The following ANTXR2 variants were observed in gnomAD, a reference collection of about 807,000 sequenced individuals.
ANTXR2 encodes anthrax toxin receptor 2.
A neutral mutation model predicts 73.7 loss-of-function variants in ANTXR2; 44 were observed. That is an observed-to-expected ratio of 0.60 (90% confidence interval 0.47 to 0.77). ANTXR2 has a LOEUF of 0.77. ANTXR2 is among the 30% of genes least tolerant of loss of function. The pLI is 0.00. For synonymous variants in ANTXR2, 217 were observed against 205.9 expected, an observed-to-expected ratio of 1.05 and a Z score of -0.46; for missense variants, 604 against 592.5, an observed-to-expected ratio of 1.02 and a Z score of -0.20.
chr4:79,919,606 C>G (rs1230393733), intron 16 of ANTXR2, among the ~76,000 whole-genome samples: 1 of 151,884 alleles, frequency 6.6e-6, no homozygotes. Context: ...CTGGATACTT[C>G]CTGCCCTCGA....
intron 16 of ANTXR2, among the ~76,000 whole-genome samples, chr4:79,913,806 T>C (rs555781464): frequency 6.6e-6 from 1 of 152,252 alleles, no homozygotes; most frequent in Admixed American, 6.6e-5. Flanking sequence ...GCTGGGGTAG[T>C]GCATGAGAAG....
intron 8 of ANTXR2, among the ~76,000 whole-genome samples, chr4:80,035,682 A>G (rs1054819074): frequency 1.8e-4 from 27 of 152,282 alleles, no homozygotes; most frequent in African/African-American, 6.5e-4. Context: ...AAACAATTTC[A>G]TATTTTATTT....
At chr4:79,946,071 T>C (rs905237369) in intron 16 of ANTXR2, among the ~76,000 whole-genome samples, 1 of 152,198 alleles carries the variant, frequency 6.6e-6, no homozygotes, top group African/African-American at 2.4e-5. Flanking sequence ...CTGAACTTTA[T>C]GCTTTATTAT....
At chr4:79,994,035 TCAGA>T (rs1730610222) in intron 12 of ANTXR2, among the ~76,000 whole-genome samples, 1 of 151,962 alleles carries the variant, frequency 6.6e-6, no homozygotes, top group Non-Finnish European at 1.5e-5. Context: ...TGAATGGTGC[TCAGA>T]CAAAGGAGAT....
chr4:80,025,916 C>T (rs573593484), intron 10 of ANTXR2, among the ~76,000 whole-genome samples: 1 of 152,262 alleles, frequency 6.6e-6, no homozygotes, highest in East Asian at 1.9e-4. Flanking sequence ...TACTGGACAT[C>T]ACAGGAAAGC....
intron 12 of ANTXR2, among the ~76,000 whole-genome samples, chr4:80,006,012 T>C (rs926941523): frequency 6.6e-6 from 1 of 152,126 alleles, no homozygotes; most frequent in Non-Finnish European, 1.5e-5. Flanking sequence ...GAATAACTCA[T>C]GATTCCACAT....
intron 12 of ANTXR2, among the ~76,000 whole-genome samples, chr4:80,004,874 C>T (rs528695859): frequency 6.6e-6 from 1 of 151,964 alleles, no homozygotes; most frequent in East Asian, 1.9e-4. Context: ...ACTTCCTCTC[C>T]AGGAGAATTA....
intron 16 of ANTXR2, among the ~76,000 whole-genome samples, chr4:79,958,237 T>C (rs1202526465): frequency 6.6e-6 from 1 of 152,090 alleles, no homozygotes; most frequent in Non-Finnish European, 1.5e-5. Flanking sequence ...TTGAATTTAT[T>C]GGTACTTGTC....
chr4:79,991,400 A>G (rs1730463170), intron 12 of ANTXR2, among the ~76,000 whole-genome samples: 1 of 152,168 alleles, frequency 6.6e-6, no homozygotes, highest in Admixed American at 6.6e-5. Flanking sequence ...CCACAACAAG[A>G]TACCATCTCA....
intron 6 of ANTXR2, 46 bp downstream of exon 6, chr4:80,055,104 C>T: frequency 2.7e-6 from 4 of 1,486,070 alleles, no homozygotes; most frequent in Non-Finnish European, 3.7e-6. Context: ...ATCCTTAAGA[C>T]AATTATGTGG....
At chr4:79,994,050 G>A (rs1173172347) in intron 12 of ANTXR2, among the ~76,000 whole-genome samples, 2 of 151,908 alleles carry the variant, frequency 1.3e-5, no homozygotes, top group African/African-American at 4.8e-5. Flanking sequence ...CAAAGGAGAT[G>A]CATCTCCATC....
Position 79,905,795 on chromosome 4 carries a change from G to C in ANTXR2, c.*1634C>G, listed in dbSNP as rs1164278829. The stretch of plus-strand genomic sequence containing the variant: ...TGAAATTTCCATTAAGAGCACAATG[G>C]GGGTAATTATACCAGGATGCTCCAA... On this transcript the variant is annotated 3_prime_UTR_variant, in exon 17 of 17. Transcript: ENST00000403729. 6.6e-6 allele frequency: 1 copy of C among 152,510 alleles called. No individual in the cohort carries two copies. Among genetic ancestry groups the C allele is most frequent in the Non-Finnish European group, 1.5e-5 (1 of 68,020 alleles). The allele number at this position is 152,510 out of a possible 1,614,324, so 9.4% of individuals were successfully genotyped here. A position where few individuals can be genotyped will look rare whatever the true frequency, so the allele number is the denominator to read the frequency against.
At chr4:80,043,305 T>C (rs1299344077) in intron 7 of ANTXR2, among the ~76,000 whole-genome samples, 1 of 152,022 alleles carries the variant, frequency 6.6e-6, no homozygotes, top group African/African-American at 2.4e-5. Flanking sequence ...TAGTTTTAAA[T>C]ATTTGATCTC....
At chr4:79,935,694 G>A (rs1728237382) in intron 16 of ANTXR2, among the ~76,000 whole-genome samples, 1 of 152,142 alleles carries the variant, frequency 6.6e-6, no homozygotes, top group African/African-American at 2.4e-5. Context: ...TATTTATTTT[G>A]GATACAGCTA....
chr4:79,919,757 T>C (rs2109941450), intron 16 of ANTXR2, among the ~76,000 whole-genome samples: 1 of 150,634 alleles, frequency 6.6e-6, no homozygotes, highest in South Asian at 2.1e-4. Context: ...TGGCCTATTG[T>C]GGGACCTCAC....
At chr4:80,038,776 A>C (rs1733099324) in intron 7 of ANTXR2, among the ~76,000 whole-genome samples, 1 of 152,028 alleles carries the variant, frequency 6.6e-6, no homozygotes, top group South Asian at 2.1e-4. Context: ...AAGTCATAAC[A>C]TTGGTATCAC....
chr4:80,060,000 T>G (rs1023527864), intron 3 of ANTXR2, among the ~76,000 whole-genome samples: 1 of 152,198 alleles, frequency 6.6e-6, no homozygotes, highest in Non-Finnish European at 1.5e-5. Flanking sequence ...TTCTACGATG[T>G]GTCTGTACAG....
At chr4:80,034,291 T>G (rs141733796) in intron 8 of ANTXR2, among the ~76,000 whole-genome samples, 7 of 152,240 alleles carry the variant, frequency 4.6e-5, no homozygotes, top group Admixed American at 3.9e-4. Flanking sequence ...AGACAATGCA[T>G]GTTTACTGCT....
chr4:79,934,187 T>A (rs1041029287), intron 16 of ANTXR2, among the ~76,000 whole-genome samples: 1 of 152,096 alleles, frequency 6.6e-6, no homozygotes, highest in African/African-American at 2.4e-5. Context: ...CCATCAATGC[T>A]TTTGAATAGG....
Sources: allele counts gnomAD v4.1 joint callset (sites outside exome capture counted in the v4.1 genomes callset), GRCh38; gene constraint gnomAD v4.1.1; transcripts MANE v1.5; gene names NCBI Gene and HGNC (gene_info 2026-07-23, HGNC 2026-07-21).